The following ABCD2 variants were observed in gnomAD, a reference collection of about 807,000 sequenced individuals.
ABCD2 encodes the protein ATP-binding cassette sub-family D member 2.
A neutral mutation model predicts 70.9 loss-of-function variants in ABCD2; 36 were observed. The ratio of observed to expected loss-of-function variants is 0.51; its 90% CI spans 0.39 to 0.67. ABCD2 has a LOEUF of 0.67. ABCD2 is among the 30% of genes least tolerant of loss of function. The pLI is 0.00. For synonymous variants in ABCD2, 304 were observed against 306.9 expected (o/e 0.99, Z 0.10); for missense variants, 729 against 890.2 (o/e 0.82, Z 2.30).
chr12:39,597,370 G>A (rs1941830927), intron 6 of ABCD2, among the ~76,000 whole-genome samples: 1 of 152,132 alleles, frequency 6.6e-6, no homozygotes, highest in African/African-American at 2.4e-5. Flanking sequence ...GGTGGGTTTA[G>A]GGGCTTTCAT....
Position 39,604,017 on chromosome 12 carries a change from G to A in ABCD2, c.1406-11C>T. 1 of 1,570,962 alleles carries A rather than the reference G, an allele frequency of 6.4e-7. No individual in the cohort carries two copies. Among genetic ancestry groups the A allele is most frequent in the Non-Finnish European group, 8.7e-7 (1 of 1,143,666 alleles). ...CATCAATAACTTTTCCTGTAATTAAGAAAAAGTGTAAGATACAAACATTAT... is the reference window on the plus strand; with the variant it reads ...CATCAATAACTTTTCCTGTAATTAAAAAAAAGTGTAAGATACAAACATTAT... On this transcript the variant is annotated splice_polypyrimidine_tract_variant and intron_variant, in intron 4 of 9. Coordinates refer to ENST00000308666, the MANE Select transcript of ABCD2 (RefSeq NM_005164.4).
At chr12:39,534,019 A>G in the ABCD2 span, among the ~76,000 whole-genome samples, 1 of 152,256 alleles carries the variant, frequency 6.6e-6, no homozygotes, top group African/African-American at 2.4e-5. Context: ...CAACTCCTTC[A>G]TCACAAATTG....
chr12:39,545,008 A>G, the ABCD2 span, among the ~76,000 whole-genome samples: 4 of 152,234 alleles, frequency 2.6e-5, no homozygotes, highest in Non-Finnish European at 5.9e-5. Flanking sequence ...AGAATTTAGA[A>G]TTTAGCTTAA....
rs145205097 is a variant in ABCD2 at position 39,565,364 on chromosome 12, C to A, written c.2003+8352G>T. 5.5e-4 allele frequency among the ~76,000 whole-genome samples: 83 copies of A among 152,222 alleles called. No homozygotes were observed. In the East Asian group the frequency reaches 0.01, roughly 19 times the overall value. Reference sequence around the variant, plus strand: ...CTTCACATCCCTTGTAAGTTGGATTCCTAGGTATTTTGTTCTCTTGGAAGC... The same window carrying A: ...CTTCACATCCCTTGTAAGTTGGATTACTAGGTATTTTGTTCTCTTGGAAGC... On this transcript the variant is annotated intron_variant, in intron 9 of 9. Coordinates refer to ENST00000308666, the MANE Select transcript of ABCD2 (RefSeq NM_005164.4).
At chr12:39,604,062 A>G in intron 4 of ABCD2, 56 bp from the exon 5 acceptor site, 1 of 1,248,024 alleles carries the variant, frequency 8.0e-7, no homozygotes, top group Non-Finnish European at 1.2e-6. Flanking sequence ...CTGATTAAAT[A>G]ACGTAAATTA....
chr12:39,576,271 T>C (rs573874974), intron 8 of ABCD2, among the ~76,000 whole-genome samples: 131 of 152,308 alleles, frequency 8.6e-4, no homozygotes, highest in Non-Finnish European at 1.1e-3. Context: ...GTGATTCCGC[T>C]GCCTCAGCCT....
intron 5 of ABCD2, among the ~76,000 whole-genome samples, chr12:39,601,296 G>A (rs1566577623): frequency 6.6e-6 from 1 of 151,634 alleles, no homozygotes; most frequent in Non-Finnish European, 1.5e-5. Flanking sequence ...AACAAACCAA[G>A]GATAGAGGAA....
chr12:39,576,410 C>G (rs1941518251), intron 8 of ABCD2, among the ~76,000 whole-genome samples: 1 of 152,210 alleles, frequency 6.6e-6, no homozygotes, highest in Admixed American at 6.5e-5. Flanking sequence ...CCACCCGCCT[C>G]GCCCTCCCGA....
At chr12:39,603,774 T>C (rs1335247632) in intron 5 of ABCD2, 138 bp downstream of exon 5, 10 of 508,688 alleles carry the variant, frequency 2.0e-5, no homozygotes, top group Non-Finnish European at 3.1e-5. Context: ...GCTTCTGTAA[T>C]TGAGCCACTG....
At chr12:39,547,119 C>A (rs1219627220), downstream of ABCD2, among the ~76,000 whole-genome samples, 1 of 151,868 alleles carries the variant, frequency 6.6e-6, no homozygotes, top group Non-Finnish European at 1.5e-5. Context: ...GAGAGAAATG[C>A]AAATCAAAAC....
intron 9 of ABCD2, among the ~76,000 whole-genome samples, chr12:39,562,102 A>G (rs1042173121): frequency 6.6e-6 from 1 of 152,154 alleles, no homozygotes; most frequent in African/African-American, 2.4e-5. Flanking sequence ...ATGGGTCAAT[A>G]AAGAAATTAA....
At chr12:39,559,957 A>G (rs555623662) in intron 9 of ABCD2, among the ~76,000 whole-genome samples, 2 of 152,362 alleles carry the variant, frequency 1.3e-5, no homozygotes, top group South Asian at 4.1e-4. Context: ...AAAAGCAAGT[A>G]AACAGTCAAA....
chr12:39,574,900 G>A (rs1478077864), intron 8 of ABCD2, among the ~76,000 whole-genome samples: 4 of 152,074 alleles, frequency 2.6e-5, no homozygotes, highest in Non-Finnish European at 4.4e-5. Context: ...CAGGTAGTCA[G>A]GGCTAATAGA....
intron 5 of ABCD2, among the ~76,000 whole-genome samples, chr12:39,603,548 C>T (rs190050751): frequency 1.7e-4 from 26 of 152,008 alleles, no homozygotes; most frequent in Admixed American, 1.4e-3. Context: ...CTAATGACTT[C>T]TATTCATATT....
At chr12:39,555,663 C>T (rs951087466) in intron 9 of ABCD2, among the ~76,000 whole-genome samples, 4 of 152,176 alleles carry the variant, frequency 2.6e-5, no homozygotes, top group Non-Finnish European at 4.4e-5. Flanking sequence ...AGGCCTGCCA[C>T]AGTAAAACCC....
chr12:39,619,059 G>A lies in ABCD2; in HGVS notation c.557C>T (p.Thr186Ile), dbSNP rs148301688. ...ATAATAAGTCTGATTTGTAAAATAG[G>A]TTTCATAGGCGTGGTCTACTAGGCG... is the stretch of plus-strand genomic sequence containing the variant. ...RTRLVDHAYE[T>I]YFTNQTYYKV... The change falls in exon 1 of 10, where the codon ACC becomes ATC. Residue 186 changes from threonine to isoleucine, a missense_variant. By Grantham distance (89) the Thr-to-Ile change is moderately conservative. This residue lies in a region of ABCD2 where 245 missense variants were observed against 261.2 expected (regional missense o/e 0.94). Coordinates refer to ENST00000308666, the MANE Select transcript of ABCD2 (RefSeq NM_005164.4). 1,195 of 1,614,040 alleles carry A rather than the reference G, an allele frequency of 7.4e-4. 1 individual carries two copies. The highest frequency in any genetic ancestry group is 9.6e-4 in the Non-Finnish European group (1,128 of 1,180,020).
chr12:39,618,288 G>A (rs1291129157), intron 1 of ABCD2, among the ~76,000 whole-genome samples: 1 of 152,082 alleles, frequency 6.6e-6, no homozygotes, highest in Non-Finnish European at 1.5e-5. Flanking sequence ...TTCCATTTCA[G>A]TGGAAATATG....
chr12:39,617,845 A>C (rs1942137735), intron 1 of ABCD2, among the ~76,000 whole-genome samples: 1 of 152,178 alleles, frequency 6.6e-6, no homozygotes, highest in East Asian at 1.9e-4. Flanking sequence ...AAGTCATTTA[A>C]ATTAAGATTG....
At chr12:39,603,805 C>T in intron 5 of ABCD2, 107 bp downstream of exon 5, 3 of 780,836 alleles carry the variant, frequency 3.8e-6, no homozygotes, top group East Asian at 5.1e-5. Context: ...TCTTGATTTC[C>T]CCTTTCCAAA....
Sources: gnomAD v4.1 joint callset for allele counts (sites outside exome capture counted in the v4.1 genomes callset) on GRCh38, gnomAD v4.1.1 for gene constraint, gnomAD v4.1.1 regional missense constraint, MANE v1.5 for transcripts, NCBI Gene and HGNC (gene_info 2026-07-23, HGNC 2026-07-21) for gene names.